The following SRGAP2B variants were observed in gnomAD, a reference collection of about 807,000 sequenced individuals.
SRGAP2B encodes the protein SLIT-ROBO Rho GTPase activating protein 2B.
SRGAP2B carries 9 observed loss-of-function variants against 22.2 expected under a neutral mutation model. The observed-to-expected ratio is 0.41, with a 90% CI of 0.24 to 0.71. SRGAP2B has a LOEUF of 0.71. SRGAP2B is among the 30% of genes least tolerant of loss of function. The pLI is 0.35. For synonymous variants in SRGAP2B, 36 were observed against 87.4 expected, an observed-to-expected ratio of 0.41 and a Z score of 3.28; for missense variants, 114 against 235.8, an observed-to-expected ratio of 0.48 and a Z score of 3.38.
chr1:144,974,065 T>C (rs1444301510), intron 3 of SRGAP2B, among the ~76,000 whole-genome samples: 1 of 150,880 alleles, frequency 6.6e-6, no homozygotes, highest in African/African-American at 2.5e-5. Flanking sequence ...TTTAAAAGGG[T>C]ATAAACGTCT....
At chr1:145,007,599 G>C (rs1215775579) in intron 2 of SRGAP2B, among the ~76,000 whole-genome samples, 1 of 150,562 alleles carries the variant, frequency 6.6e-6, no homozygotes, top group African/African-American at 2.5e-5. Flanking sequence ...GACTGCCTGG[G>C]CTCAAAATGC....
At chr1:144,928,896 T>C (rs587628295) in intron 4 of SRGAP2B, among the ~76,000 whole-genome samples, 1 of 150,120 alleles carries the variant, frequency 6.7e-6, no homozygotes, top group Non-Finnish European at 1.5e-5. Context: ...TTCCATAGCA[T>C]CTGCACCATT....
At chr1:145,061,207 CTTG>C (rs587747056) in intron 2 of SRGAP2B, among the ~76,000 whole-genome samples, 4 of 2,664 alleles carry the variant, frequency 1.5e-3, no homozygotes, top group African/African-American at 8.0e-3. Context: ...GCTAGGTATA[CTTG>C]TTATTTTAAT....
chr1:144,992,306 G>A (rs1670311327), intron 3 of SRGAP2B, among the ~76,000 whole-genome samples: 1 of 151,112 alleles, frequency 6.6e-6, no homozygotes, highest in East Asian at 1.9e-4. Flanking sequence ...TGAAGTCAGT[G>A]AGACCAAGAA....
intron 2 of SRGAP2B, among the ~76,000 whole-genome samples, chr1:145,013,195 G>A (rs1553622536): frequency 6.7e-6 from 1 of 148,934 alleles, no homozygotes; most frequent in Non-Finnish European, 1.5e-5. Context: ...GAATCACAGA[G>A]GCCAGTGAGA....
chr1:144,954,797 A>G (rs1236829250), intron 4 of SRGAP2B, among the ~76,000 whole-genome samples: 3 of 150,406 alleles, frequency 2.0e-5, no homozygotes, highest in Non-Finnish European at 4.4e-5. Context: ...GAAGTACGAT[A>G]ACAATTGAGT....
chr1:144,944,765 G>A (rs1666362094), intron 4 of SRGAP2B, among the ~76,000 whole-genome samples: 2 of 140,812 alleles, frequency 1.4e-5, no homozygotes, highest in African/African-American at 5.5e-5. Flanking sequence ...AGGCTGGAGT[G>A]CAGTGGCACA....
rs1349468294 is a variant in SRGAP2B at position 145,088,489 on chromosome 1, G to A, written c.67+4346C>T. Among the ~76,000 whole-genome samples the A allele has an allele frequency of 4.9e-5, 7 of 142,308 alleles. No individual in the cohort carries two copies. The South Asian group carries it at 1.3e-3, about 27-fold the overall frequency. 93.4% of individuals were successfully genotyped at this position (142,308 alleles called of 152,430 possible). A position where few individuals can be genotyped will look rare whatever the true frequency, so the allele number is the denominator to read the frequency against. On this transcript the variant is annotated intron_variant, in intron 2 of 9. Transcript: ENST00000612199. ...AAAAGACAAGACCCCTAATGTTCTC[G>A]AGAAAGAAAATGTGACTGCTCAGCA...
At chr1:144,925,791 GAAA>G (rs1664688453) in intron 4 of SRGAP2B, among the ~76,000 whole-genome samples, 1 of 92,120 alleles carries the variant, frequency 1.1e-5, no homozygotes, top group Non-Finnish European at 2.4e-5. Flanking sequence ...AAGAAAGAAA[GAAA>G]GGAGAGAGAA....
At position 144,957,861 on chromosome 1, in the gene SRGAP2B, T is replaced by TAAA. The variant is rs1667380775; in HGVS notation, c.261-2261_261-2260insTTT. Reference sequence around the variant, plus strand: ...ATACCCATGTCCTCAGTAAGCATGCTTTTTAAAGGGGCAGATCTCATGAGA... The same window carrying TAAA: ...ATACCCATGTCCTCAGTAAGCATGCTAAATTTTAAAGGGGCAGATCTCATGAGA... On this transcript the variant is annotated intron_variant, in intron 3 of 9. Coordinates refer to ENST00000612199, the Ensembl canonical transcript of SRGAP2B. Among the ~76,000 whole-genome samples the TAAA allele has an allele frequency of 4.7e-4, 69 of 147,900 alleles. 1 individual carries two copies. The South Asian group carries it at 0.014, about 30-fold the overall frequency.
At position 144,920,184 on chromosome 1, in the gene SRGAP2B, A is replaced by C. The variant is rs1459378623; in HGVS notation, c.424-5430T>G. ...GAAAAGTTCTCCAAGTCCCCACTCC[A>C]CTGAGGAAGTCCAGCTGGCTTCACC... On this transcript the variant is annotated intron_variant, in intron 4 of 9. Coordinates refer to ENST00000612199, the Ensembl canonical transcript of SRGAP2B. 1.7e-4 allele frequency among the ~76,000 whole-genome samples: 26 copies of C among 151,166 alleles called. 4 individuals carry two copies. The highest frequency in any genetic ancestry group is 6.4e-4 in the African/African-American group (26 of 40,590).
intron 2 of SRGAP2B, among the ~76,000 whole-genome samples, chr1:145,041,075 GTA>G (rs370443273): frequency 0.024 from 1,865 of 76,400 alleles, 17 homozygotes; most frequent in African/African-American, 0.059. Context: ...TATATATATA[GTA>G]TATATATATA....
intron 2 of SRGAP2B, among the ~76,000 whole-genome samples, chr1:145,040,779 CT>C (rs1649135609): frequency 6.8e-6 from 1 of 146,264 alleles, no homozygotes; most frequent in Admixed American, 6.8e-5. Context: ...CTCCTCTGGG[CT>C]CCACCATGCT....
chr1:144,972,287 TC>T (rs1275616727), intron 3 of SRGAP2B, among the ~76,000 whole-genome samples: 13 of 134,712 alleles, frequency 9.7e-5, no homozygotes, highest in African/African-American at 3.3e-4. Context: ...GTTAACCCCT[TC>T]TCTGCCTTCT....
intron 2 of SRGAP2B, among the ~76,000 whole-genome samples, chr1:145,088,519 G>C (rs1653645228): frequency 1.4e-5 from 2 of 139,672 alleles, no homozygotes; most frequent in African/African-American, 5.5e-5. Flanking sequence ...TCAGCATACA[G>C]TGCCACCCTG....
In SRGAP2B at chr1:145,080,337, G is replaced by A. The variant is rs10481820; in HGVS notation, c.67+12498C>T. On this transcript the variant is annotated intron_variant, in intron 2 of 9. Transcript: ENST00000612199. ...GTGAGGCACATCTTCCTACTAGATC[G>A]TGATACTTCAACAAGTATCACTTCA... Among the ~76,000 whole-genome samples the A allele has an allele frequency of 7.5e-3, 1,113 of 147,936 alleles. 54 individuals are homozygous for A. The highest frequency in any genetic ancestry group is 0.027 in the African/African-American group (1,032 of 38,336).
At chr1:144,979,092 G>C (rs587606885) in intron 3 of SRGAP2B, among the ~76,000 whole-genome samples, 1 of 151,842 alleles carries the variant, frequency 6.6e-6, no homozygotes, top group Non-Finnish European at 1.5e-5. Context: ...ACCCAGGCTG[G>C]AGTGCAGTGG....
At chr1:144,991,197 G>A (rs1342673266) in intron 3 of SRGAP2B, among the ~76,000 whole-genome samples, 12 of 148,878 alleles carry the variant, frequency 8.1e-5, no homozygotes, top group South Asian at 6.4e-4. Context: ...TTAGCTCAAG[G>A]TTTGTGAGTG....
intron 2 of SRGAP2B, among the ~76,000 whole-genome samples, chr1:145,038,329 G>A (rs1393748876): frequency 8.2e-6 from 1 of 122,676 alleles, no homozygotes; most frequent in Non-Finnish European, 1.6e-5. Flanking sequence ...AAGAAACACT[G>A]CACAGATATA....
Sources: allele counts gnomAD v4.1 joint callset (sites outside exome capture counted in the v4.1 genomes callset), GRCh38; gene constraint gnomAD v4.1.1; transcripts MANE v1.5; gene names NCBI Gene and HGNC (gene_info 2026-07-23, HGNC 2026-07-21).